The following MYH13 variants were observed in gnomAD, a reference collection of about 807,000 sequenced individuals.
MYH13 encodes the protein myosin heavy chain 13.
A neutral mutation model predicts 232.1 loss-of-function variants in MYH13; 177 were observed. The observed-to-expected ratio is 0.76, with a 90% CI of 0.67 to 0.86. The LOEUF is 0.86. Among genes scored for constraint, MYH13 ranks in the 40% least tolerant of loss-of-function variants. MYH13 has a pLI of 0.00. For synonymous variants in MYH13, 884 were observed against 923.5 expected, an observed-to-expected ratio of 0.96 and a Z score of 0.78; for missense variants, 2,246 against 2,405.9, an observed-to-expected ratio of 0.93 and a Z score of 1.39.
intron 18 of MYH13, among the ~76,000 whole-genome samples, chr17:10,336,465 GA>G (rs1312661794): frequency 1.3e-5 from 2 of 152,144 alleles, no homozygotes; most frequent in Admixed American, 1.3e-4. Flanking sequence ...TGTATCTTAT[GA>G]TGATCCGGCA....
chr17:10,301,014 G>A (rs1387035572), intron 40 of MYH13, 49 bp from the exon 41 acceptor site: 74 of 1,540,076 alleles, frequency 4.8e-5, no homozygotes, highest in East Asian at 1.6e-4. Flanking sequence ...CAACTAAATG[G>A]GAGACTGAAC....
In MYH13 at chr17:10,324,203, A is replaced by C; in HGVS notation, c.2753T>G (p.Leu918Arg). 6.2e-7 allele frequency: 1 copy of C among 1,613,870 alleles called. No individual in the cohort carries two copies. Among genetic ancestry groups the C allele is most frequent in the Non-Finnish European group, 8.5e-7 (1 of 1,179,850 alleles). The change falls in exon 23 of 41, where the codon CTA becomes CGA. Residue 918 changes from leucine to arginine, a missense_variant. By Grantham distance (102) the Leu-to-Arg change is moderately radical (BLOSUM62 -2). Coordinates refer to ENST00000252172, the MANE Select transcript of MYH13 (RefSeq NM_003802.3). ...CAGCTCCTTGACTTTTGCTTCCAGTAGGATCTTGCTTTTGATGAGTCCTTC... is the reference window on the plus strand; with the variant it reads ...CAGCTCCTTGACTTTTGCTTCCAGTCGGATCTTGCTTTTGATGAGTCCTTC... ...RCEGLIKSKI[L>R]LEAKVKELTE...
chr17:10,345,196 C>G lies in MYH13; in HGVS notation c.1584+6G>C. On this transcript the variant is annotated splice_donor_region_variant and intron_variant, in intron 15 of 40. Transcript: ENST00000252172. Reference sequence around the variant, plus strand: ...GGAGCTGTCCCAGGCAGCAGTATCTCTCTACCTTCTCGATGAGCTCGATGC... The same window carrying G: ...GGAGCTGTCCCAGGCAGCAGTATCTGTCTACCTTCTCGATGAGCTCGATGC... 3.1e-6 allele frequency: 5 copies of G among 1,614,076 alleles called. No homozygotes were observed. Among genetic ancestry groups the G allele is most frequent in the Non-Finnish European group, 4.2e-6 (5 of 1,179,920 alleles).
chr17:10,347,674 C>G (rs1482198883), intron 12 of MYH13, among the ~76,000 whole-genome samples: 1 of 144,078 alleles, frequency 6.9e-6, no homozygotes, highest in Non-Finnish European at 1.5e-5. Flanking sequence ...TTGAGCTCAT[C>G]AAAAAGGCAG....
rs533463652 is a variant in MYH13 at position 10,354,759 on chromosome 17, G to A, written c.926C>T (p.Pro309Leu). 8.1e-6 allele frequency: 13 copies of A among 1,613,870 alleles called. No homozygotes were observed. In the South Asian group the frequency reaches 1.4e-4, roughly 18 times the overall value. The change falls in exon 11 of 41, where the codon CCC becomes CTC. Residue 309 changes from proline to leucine, a missense_variant. Coordinates refer to ENST00000252172, the MANE Select transcript of MYH13 (RefSeq NM_003802.3). ...LIDLLLISTN[P>L]FDFPFVSQGE... ...TTGGCTCACGAAGGGGAAGTCGAAG[G>A]GGTTGGTGGAGATCAGAAGCAGGTC... is the stretch of plus-strand genomic sequence containing the variant.
intron 19 of MYH13, 139 bp from the exon 20 acceptor site, chr17:10,332,361 A>G: frequency 4.3e-6 from 5 of 1,150,274 alleles, no homozygotes; most frequent in Non-Finnish European, 6.2e-6. Flanking sequence ...AGATGGGAAT[A>G]GCTAGGGACT....
At position 10,340,220 on chromosome 17, in the gene MYH13, C is replaced by T; in HGVS notation, c.1986G>A (p.Leu662=). 1 of 1,613,974 alleles carries T rather than the reference C, an allele frequency of 6.2e-7. No homozygotes were observed. Among genetic ancestry groups the T allele is most frequent in the Non-Finnish European group, 8.5e-7 (1 of 1,179,892 alleles). The change falls in exon 18 of 41, where the codon TTG becomes TTA. Residue 662 remains leucine, a synonymous_variant. Coordinates refer to ENST00000252172, the MANE Select transcript of MYH13 (RefSeq NM_003802.3). The part of the protein sequence containing the change: ...SAVFRENLNK[L]MTNLRSTHPH... Reference sequence around the variant, plus strand: ...GGTGGGTGCTCCTTAAGTTAGTCATCAATTTGTTTAAATTTTCCTGGGACA... The same window carrying T: ...GGTGGGTGCTCCTTAAGTTAGTCATTAATTTGTTTAAATTTTCCTGGGACA...
chr17:10,327,168 A>C (rs1256872946), intron 22 of MYH13, among the ~76,000 whole-genome samples: 1 of 134,932 alleles, frequency 7.4e-6, no homozygotes, highest in Non-Finnish European at 1.6e-5. Context: ...CGCCCGGCTA[A>C]TTTTTTGTAT....
At position 10,327,877 on chromosome 17, in the gene MYH13, G is replaced by A; in HGVS notation, c.2680C>T (p.Gln894Ter). The A allele has an allele frequency of 1.2e-6, 2 of 1,612,716 alleles. No individual in the cohort carries two copies. Among genetic ancestry groups the A allele is most frequent in the Non-Finnish European group, 8.5e-7 (1 of 1,179,600 alleles). ...LLQEKNDLQL[Q>*]VQSETENLMD... Reference sequence around the variant, plus strand: ...TAGAAGGTACTTACAGACTGGACCTGCAATTGGAGGTCATTCTTCTCCTGC... The same window carrying A: ...TAGAAGGTACTTACAGACTGGACCTACAATTGGAGGTCATTCTTCTCCTGC... Residue 894 changes from glutamine to a stop codon, truncating the protein, a stop_gained, in exon 22 of 41, where the codon CAG becomes TAG. Transcript: ENST00000252172. LOFTEE classifies it high-confidence loss of function.
At position 10,315,950 on chromosome 17, in the gene MYH13, G is replaced by A. The variant is rs745540840; in HGVS notation, c.3814C>T (p.Gln1272Ter). 1 of 1,613,828 alleles carries A rather than the reference G, an allele frequency of 6.2e-7. No individual in the cohort carries two copies. Among genetic ancestry groups the A allele is most frequent in the African/African-American group, 1.3e-5 (1 of 74,908 alleles). ...EIKAKDEQQT[Q>*]LIHDLNMQKA... ...TGCATGTTCAGATCATGGATCAACT[G>A]TGTCTGTTGCTCGTCCTTGGCTTTG... is the stretch of plus-strand genomic sequence containing the variant. Residue 1272 changes from glutamine (Q) to a stop codon, truncating the protein, a stop_gained, in exon 28 of 41, where the codon CAG (glutamine) becomes TAG (stop). Coordinates refer to ENST00000252172, the MANE Select transcript of MYH13 (RefSeq NM_003802.3). LOFTEE classifies it high-confidence loss of function.
chr17:10,316,076 C>T, intron 27 of MYH13, 51 bp from the exon 28 acceptor site: 2 of 1,599,048 alleles, frequency 1.3e-6, no homozygotes, highest in Non-Finnish European at 1.7e-6. Context: ...ATTCCTAGTG[C>T]CCAGCATTGA....
chr17:10,359,483 C>T (rs2071774540), intron 7 of MYH13, among the ~76,000 whole-genome samples: 1 of 152,182 alleles, frequency 6.6e-6, no homozygotes, highest in African/African-American at 2.4e-5. Flanking sequence ...TCCTTTGTAA[C>T]AGCCTTTATA....
At position 10,312,080 on chromosome 17, in the gene MYH13, G is replaced by A; in HGVS notation, c.4366-4C>T. ...TTTGCTTCCACTCTGCAAGGACCTG[G>A]GAGATGACAAAGGGACATGGGAGAA... On this transcript the variant is annotated splice_polypyrimidine_tract_variant and splice_region_variant and intron_variant, in intron 31 of 40. Coordinates refer to ENST00000252172, the MANE Select transcript of MYH13 (RefSeq NM_003802.3). The A allele has an allele frequency of 1.2e-6, 2 of 1,613,444 alleles. No homozygotes were observed. The highest frequency in any genetic ancestry group is 1.7e-6 in the Non-Finnish European group (2 of 1,179,876).
At chr17:10,346,027 GA>G (rs2071664261) in intron 13 of MYH13, among the ~76,000 whole-genome samples, 1 of 87,178 alleles carries the variant, frequency 1.1e-5, no homozygotes, top group Non-Finnish European at 2.1e-5. Flanking sequence ...AAGAAAAAAA[GA>G]AAATCAAAAG....
At chr17:10,327,764 C>A in intron 22 of MYH13, 102 bp downstream of exon 22, 1 of 1,446,590 alleles carries the variant, frequency 6.9e-7, no homozygotes, top group South Asian at 1.3e-5. Context: ...CTGGGTGGCA[C>A]CACTGTCTCT....
chr17:10,369,234 A>G (rs548112949), intron 2 of MYH13, among the ~76,000 whole-genome samples: 16 of 152,320 alleles, frequency 1.1e-4, no homozygotes, highest in African/African-American at 3.8e-4. Context: ...TTCAGGGATA[A>G]ATTTGTAAAA....
rs1450351667 is a variant in MYH13, at chr17:10,306,669, C to G, written c.5296-40G>C. On this transcript the variant is annotated intron_variant, in intron 36 of 40. Coordinates refer to ENST00000252172, the MANE Select transcript of MYH13 (RefSeq NM_003802.3). The surrounding 1 kb of genome is among the most constrained non-coding windows in gnomAD (Gnocchi z 4.3). ...AGGACACATCAGAGGCCCTGTCCGC[C>G]CATCCCTACCCAGAGCTTGCAGAAG... 4 of 1,610,378 alleles carry G rather than the reference C, an allele frequency of 2.5e-6. No homozygotes were observed. The East Asian group carries it at 6.7e-5, about 27-fold the overall frequency.
In MYH13 at chr17:10,315,944, T is replaced by A. The variant is rs182508114; in HGVS notation, c.3820A>T (p.Ile1274Phe). The change falls in exon 28 of 41, where the codon ATC (isoleucine) becomes TTC (phenylalanine). Residue 1274 changes from isoleucine (I) to phenylalanine (F), a missense_variant. By Grantham distance (21) the Ile-to-Phe change is conservative. Coordinates refer to ENST00000252172, the MANE Select transcript of MYH13 (RefSeq NM_003802.3). The stretch of plus-strand genomic sequence containing the variant: ...GCTTTCTGCATGTTCAGATCATGGA[T>A]CAACTGTGTCTGTTGCTCGTCCTTG... ...KAKDEQQTQL[I>F]HDLNMQKARL... 8.7e-6 allele frequency: 14 copies of A among 1,614,034 alleles called. No individual in the cohort carries two copies. The East Asian group carries it at 1.1e-4, about 13-fold the overall frequency.
intron 12 of MYH13, 99 bp from the exon 13 acceptor site, chr17:10,346,897 T>G: frequency 1.2e-6 from 1 of 855,362 alleles, no homozygotes; most frequent in Non-Finnish European, 1.9e-6. Context: ...TGTAATTTTC[T>G]TAAATGTTTT....
Sources: allele counts gnomAD v4.1 joint callset (sites outside exome capture counted in the v4.1 genomes callset), GRCh38; gene constraint gnomAD v4.1.1; non-coding constraint Gnocchi (gnomAD v3.1); transcripts MANE v1.5; gene names NCBI Gene and HGNC (gene_info 2026-07-23, HGNC 2026-07-21).